Variants in HPSE2 observed in about 807,000 individuals in gnomAD.
HPSE2 encodes the protein inactive heparanase-2.
HPSE2 carries 38 observed loss-of-function variants against 60.5 expected under a neutral mutation model. The ratio of observed to expected loss-of-function variants is 0.63; its 90% CI spans 0.48 to 0.82. HPSE2 has a LOEUF of 0.82. HPSE2 is among the 40% of genes least tolerant of loss of function. HPSE2 has a pLI of 0.00. For synonymous variants in HPSE2, 295 were observed against 293.2 expected, an observed-to-expected ratio of 1.01 and a Z score of -0.06; for missense variants, 713 against 740.4, an observed-to-expected ratio of 0.96 and a Z score of 0.43.
intron 3 of HPSE2, among the ~76,000 whole-genome samples, chr10:98,764,916 G>C (rs1277180004): frequency 6.6e-6 from 1 of 151,972 alleles, no homozygotes; most frequent in Non-Finnish European, 1.5e-5. Flanking sequence ...ATTTTCCTTG[G>C]AGAAAGGAAA....
At chr10:98,530,576 C>A (rs550427015) in intron 9 of HPSE2, among the ~76,000 whole-genome samples, 2 of 152,318 alleles carry the variant, frequency 1.3e-5, no homozygotes, top group African/African-American at 4.8e-5. Context: ...CTTTTGTTAG[C>A]TCTCAGTCCA....
the HPSE2 span, among the ~76,000 whole-genome samples, chr10:99,305,825 T>C: frequency 6.6e-6 from 1 of 151,784 alleles, no homozygotes; most frequent in South Asian, 2.1e-4. Context: ...ATAGAAAGAA[T>C]CAAATGGACA....
At position 98,459,530 on chromosome 10, in the gene HPSE2, A is replaced by T; in HGVS notation, c.*44T>A. 2 of 1,604,272 alleles carry T rather than the reference A, an allele frequency of 1.2e-6. No homozygotes were observed. Among genetic ancestry groups the T allele is most frequent in the Non-Finnish European group, 1.7e-6 (2 of 1,171,256 alleles). ...GATACTACTGGAGTGGAGGAGTGGA[A>T]GCAGCCCAGCAGGCCCACTGGTAGC... is the stretch of plus-strand genomic sequence containing the variant. On this transcript the variant is annotated 3_prime_UTR_variant, in exon 12 of 12. Coordinates refer to ENST00000370552, the MANE Select transcript of HPSE2 (RefSeq NM_021828.5).
intron 3 of HPSE2, among the ~76,000 whole-genome samples, chr10:99,073,651 AAAT>A (rs1352300693): frequency 2.0e-5 from 3 of 152,292 alleles, no homozygotes; most frequent in South Asian, 2.1e-4. Flanking sequence ...AAGGTTAAAA[AAAT>A]AATAATAATA....
the HPSE2 span, among the ~76,000 whole-genome samples, chr10:99,311,923 C>G: frequency 0.016 from 2,378 of 152,218 alleles, 66 homozygotes; most frequent in African/African-American, 0.054. Flanking sequence ...ACTGAAATAG[C>G]CTTATTGCTG....
the HPSE2 span, among the ~76,000 whole-genome samples, chr10:99,289,193 A>C: frequency 1.3e-5 from 2 of 152,186 alleles, no homozygotes; most frequent in Non-Finnish European, 2.9e-5. Flanking sequence ...TCCACAGTGC[A>C]ACAGATTGCA....
chr10:98,872,023 G>C (rs915952217), intron 3 of HPSE2, among the ~76,000 whole-genome samples: 1 of 152,112 alleles, frequency 6.6e-6, no homozygotes, highest in East Asian at 1.9e-4. Context: ...ATCCAGAAGA[G>C]AAACTTTGAA....
At chr10:98,822,075 C>T (rs111952775) in intron 3 of HPSE2, among the ~76,000 whole-genome samples, 6 of 152,176 alleles carry the variant, frequency 3.9e-5, no homozygotes, top group African/African-American at 1.4e-4. Context: ...CTTTTAAAAA[C>T]CTTACTCAAA....
chr10:98,922,506 T>C (rs1010238539), intron 3 of HPSE2, among the ~76,000 whole-genome samples: 11 of 152,186 alleles, frequency 7.2e-5, no homozygotes, highest in African/African-American at 9.7e-5. Flanking sequence ...AGGTAACGCA[T>C]GCTTGACCAG....
intron 7 of HPSE2, among the ~76,000 whole-genome samples, chr10:98,621,030 G>GT (rs1946060306): frequency 6.6e-6 from 1 of 151,998 alleles, no homozygotes; most frequent in Non-Finnish European, 1.5e-5. Flanking sequence ...ATCATATTGT[G>GT]TTTCCATATC....
intron 3 of HPSE2, among the ~76,000 whole-genome samples, chr10:98,810,764 A>T (rs11189829): frequency 0.72 from 109,983 of 151,846 alleles, 40,972 homozygotes; most frequent in Non-Finnish European, 0.83. Flanking sequence ...AACTAAAAAA[A>T]AAAAATAAAA....
At chr10:98,744,984 C>T (rs774081175) in intron 3 of HPSE2, among the ~76,000 whole-genome samples, 14 of 152,154 alleles carry the variant, frequency 9.2e-5, no homozygotes, top group Non-Finnish European at 1.3e-4. Context: ...GGGTGGATCT[C>T]GAGGTCAGGA....
rs1331239846 is a variant in HPSE2, at chr10:98,481,299, TACA to T, written c.1613+1334_1613+1336del. 2.1e-4 allele frequency among the ~76,000 whole-genome samples: 32 copies of T among 152,266 alleles called. No individual in the cohort carries two copies. The Middle Eastern group carries it at 0.027, about 129-fold the overall frequency. ...AAGCTGCACAGGACCTTACCACATGTACAACAACCCTTGAAATCTGAAGATTAG... is the reference window on the plus strand; with the variant it reads ...AAGCTGCACAGGACCTTACCACATGTACAACCCTTGAAATCTGAAGATTAG... On this transcript the variant is annotated intron_variant, in intron 11 of 11. Transcript: ENST00000370552.
chr10:98,998,852 C>T (rs1956709410), intron 3 of HPSE2, among the ~76,000 whole-genome samples: 1 of 152,234 alleles, frequency 6.6e-6, no homozygotes, highest in South Asian at 2.1e-4. Flanking sequence ...AGAGACACCT[C>T]CTGGATCCCA....
rs770699941 is a variant in HPSE2, at chr10:99,072,927, C to CAAAAAAA, written c.610+71304_610+71310dup. Among the ~76,000 whole-genome samples the CAAAAAAA allele has an allele frequency of 1.5e-4, 13 of 88,036 alleles. 2 individuals carry two copies. The highest frequency in any genetic ancestry group is 3.9e-4 in the African/African-American group (6 of 15,560). 57.8% of individuals were successfully genotyped at this position (88,036 alleles called of 152,430 possible). On this transcript the variant is annotated intron_variant, in intron 3 of 11. Transcript: ENST00000370552. ...CTGGTGACAGAGCCAGGCTCCGTCT[C>CAAAAAAA]AAAAAAAAAAAAAAAAAAAAAAAAA... is the stretch of plus-strand genomic sequence containing the variant.
chr10:99,276,316 C>T, the HPSE2 span, among the ~76,000 whole-genome samples: 1 of 152,138 alleles, frequency 6.6e-6, no homozygotes, highest in Non-Finnish European at 1.5e-5. Context: ...TTCTTTGTAT[C>T]ACTAAATGTC....
intron 3 of HPSE2, among the ~76,000 whole-genome samples, chr10:98,991,091 C>A (rs1484495095): frequency 6.6e-6 from 1 of 152,172 alleles, no homozygotes; most frequent in Non-Finnish European, 1.5e-5. Context: ...TATCAAATGG[C>A]TACCCATTTT....
At chr10:98,659,053 TA>T (rs780476212) in intron 6 of HPSE2, among the ~76,000 whole-genome samples, 26 of 152,266 alleles carry the variant, frequency 1.7e-4, no homozygotes, top group East Asian at 1.3e-3. Flanking sequence ...TTCATTACCC[TA>T]AAAGGAAATC....
chr10:98,732,519 A>G (rs1237784357), intron 4 of HPSE2, among the ~76,000 whole-genome samples: 2 of 152,262 alleles, frequency 1.3e-5, no homozygotes, highest in South Asian at 2.1e-4. Flanking sequence ...AGGTGCCAAG[A>G]TAAGTAAATG....
Sources: gnomAD v4.1 joint callset for allele counts (sites outside exome capture counted in the v4.1 genomes callset) on GRCh38, gnomAD v4.1.1 for gene constraint, MANE v1.5 for transcripts, NCBI Gene and HGNC (gene_info 2026-07-23, HGNC 2026-07-21) for gene names.